The following R3HDM2 variants were observed in gnomAD, a reference collection of about 807,000 sequenced individuals.
The protein encoded by R3HDM2 is R3H domain-containing protein 2.
R3HDM2 carries 38 observed loss-of-function variants against 124.5 expected under a neutral mutation model. That is an observed-to-expected ratio of 0.31 (90% CI 0.24 to 0.40). The LOEUF (loss-of-function observed/expected upper bound fraction) is 0.40, where lower values mean the gene tolerates loss of function less well. R3HDM2 is among the 10% of genes least tolerant of loss of function. R3HDM2 has a pLI of 1.00. For missense variants in R3HDM2, 869 were observed against 1,236.9 expected (o/e 0.70, Z 4.46); for synonymous variants, 391 against 448.0 (o/e 0.87, Z 1.61).
intron 14 of R3HDM2, among the ~76,000 whole-genome samples, chr12:57,270,926 T>C (rs1469923009): frequency 6.6e-6 from 1 of 152,214 alleles, no homozygotes. Context: ...AATTACTGTA[T>C]ATAGAAAAAA....
At chr12:57,407,953 GGA>G (rs2068675891) in intron 1 of R3HDM2, among the ~76,000 whole-genome samples, 2 of 148,902 alleles carry the variant, frequency 1.3e-5, no homozygotes, top group Admixed American at 1.3e-4. Flanking sequence ...TTCTGATGGT[GGA>G]GTCTCACTCT....
intron 2 of R3HDM2, among the ~76,000 whole-genome samples, chr12:57,370,326 C>G (rs1034993389): frequency 3.2e-4 from 48 of 149,712 alleles, no homozygotes; most frequent in Admixed American, 1.0e-3. Flanking sequence ...GCACGCGGAA[C>G]TTCCTGTGAG....
intron 2 of R3HDM2, among the ~76,000 whole-genome samples, chr12:57,377,133 A>T (rs1257474318): frequency 7.6e-6 from 1 of 132,268 alleles, no homozygotes; most frequent in African/African-American, 2.8e-5. Context: ...AAAAAAAAAA[A>T]AAATTAAAAA....
At chr12:57,376,439 C>A (rs2064084961) in intron 2 of R3HDM2, among the ~76,000 whole-genome samples, 1 of 152,276 alleles carries the variant, frequency 6.6e-6, no homozygotes, top group African/African-American at 2.4e-5. Context: ...GTAGGATATC[C>A]CTGAACCATC....
chr12:57,268,647 C>T (rs894219806), intron 17 of R3HDM2, 190 bp from the exon 18 acceptor site: 1 of 719,786 alleles, frequency 1.4e-6, no homozygotes, highest in Admixed American at 2.9e-5. Flanking sequence ...TCAAATACCA[C>T]CCTTGGGCAT....
intron 1 of R3HDM2, among the ~76,000 whole-genome samples, chr12:57,422,601 C>T (rs1261961096): frequency 1.3e-5 from 2 of 152,136 alleles, no homozygotes; most frequent in Non-Finnish European, 2.9e-5. Flanking sequence ...CTTAATAAGT[C>T]CTTCAAGAGA....
intron 2 of R3HDM2, among the ~76,000 whole-genome samples, chr12:57,340,588 T>C (rs1463246666): frequency 6.6e-6 from 1 of 152,096 alleles, no homozygotes; most frequent in African/African-American, 2.4e-5. Context: ...TGAACTATCA[T>C]AGAAAAATAA....
chr12:57,291,794 T>C (rs1176000831), intron 11 of R3HDM2, among the ~76,000 whole-genome samples: 1 of 152,230 alleles, frequency 6.6e-6, no homozygotes, highest in Admixed American at 6.5e-5. Context: ...CTACATTTTC[T>C]GGAGATTTGT....
intron 2 of R3HDM2, among the ~76,000 whole-genome samples, chr12:57,316,458 C>T (rs1348507149): frequency 6.6e-6 from 1 of 151,972 alleles, no homozygotes; most frequent in African/African-American, 2.4e-5. Flanking sequence ...TTTTTTTAAG[C>T]CTCTGGAAGA....
chr12:57,278,354 G>C (rs912473805), intron 14 of R3HDM2, among the ~76,000 whole-genome samples: 1 of 152,094 alleles, frequency 6.6e-6, no homozygotes, highest in Admixed American at 6.6e-5. Flanking sequence ...AGTCCCAAAT[G>C]GTTCTTTTAT....
intron 2 of R3HDM2, among the ~76,000 whole-genome samples, chr12:57,388,447 GAGA>G (rs1413382157): frequency 6.6e-6 from 1 of 152,210 alleles, no homozygotes; most frequent in Non-Finnish European, 1.5e-5. Flanking sequence ...AAGTCAGCAA[GAGA>G]AGAACTGGCT....
chr12:57,360,558 G>A (rs1466113298), intron 2 of R3HDM2, among the ~76,000 whole-genome samples: 1 of 151,766 alleles, frequency 6.6e-6, no homozygotes, highest in African/African-American at 2.4e-5. Flanking sequence ...TAAGTTCGAG[G>A]CTATAGTGAG....
intron 1 of R3HDM2, among the ~76,000 whole-genome samples, chr12:57,398,978 T>G (rs1489509441): frequency 6.6e-6 from 1 of 152,156 alleles, no homozygotes; most frequent in Non-Finnish European, 1.5e-5. Context: ...TAGGCTAAAT[T>G]GACCCAAGTA....
At chr12:57,259,360 T>C (rs1250102949) in intron 19 of R3HDM2, among the ~76,000 whole-genome samples, 4 of 152,220 alleles carry the variant, frequency 2.6e-5, no homozygotes, top group South Asian at 2.1e-4. Flanking sequence ...ACGCTGGCTA[T>C]AACCAAATGC....
chr12:57,301,874 C>G (rs1422794104), intron 4 of R3HDM2, among the ~76,000 whole-genome samples: 1 of 152,256 alleles, frequency 6.6e-6, no homozygotes. Flanking sequence ...AAACCTATCA[C>G]ACACTAACAC....
chr12:57,414,831 C>CA (rs71448523), intron 1 of R3HDM2, among the ~76,000 whole-genome samples: 2,153 of 133,130 alleles, frequency 0.016, 18 homozygotes, highest in Non-Finnish European at 0.017. Flanking sequence ...AAAACTTTGT[C>CA]AAAAAAAAAA....
At chr12:57,396,018 C>A (rs1007628928) in intron 1 of R3HDM2, among the ~76,000 whole-genome samples, 200 bp from the exon 2 acceptor site, 1 of 152,110 alleles carries the variant, frequency 6.6e-6, no homozygotes, top group Non-Finnish European at 1.5e-5. Context: ...TTAAAAAAAC[C>A]CTGCATTTTG....
intron 2 of R3HDM2, among the ~76,000 whole-genome samples, chr12:57,314,201 C>T (rs2054556804): frequency 6.7e-6 from 1 of 149,740 alleles, no homozygotes; most frequent in Admixed American, 6.7e-5. Flanking sequence ...AAAAAAAAAT[C>T]AGGCACGGTA....
rs148359094 is a variant in R3HDM2 at position 57,293,076 on chromosome 12, T to C, written c.811-409A>G. Reference sequence around the variant, plus strand: ...TGGAACGGGAGAAGAAACAGGTGTTTAGCAGAGCTGAACAGTAGAGGAGGA... The same window carrying C: ...TGGAACGGGAGAAGAAACAGGTGTTCAGCAGAGCTGAACAGTAGAGGAGGA... On this transcript the variant is annotated intron_variant, in intron 10 of 23. Coordinates refer to ENST00000402412, the MANE Select transcript of R3HDM2 (RefSeq NM_001394031.1). 1.3e-3 allele frequency among the ~76,000 whole-genome samples: 195 copies of C among 152,256 alleles called. 2 individuals carry two copies. Among genetic ancestry groups the C allele is most frequent in the African/African-American group, 4.4e-3 (184 of 41,556 alleles).
Sources: allele counts gnomAD v4.1 joint callset (sites outside exome capture counted in the v4.1 genomes callset), GRCh38; gene constraint gnomAD v4.1.1; transcripts MANE v1.5; gene names NCBI Gene and HGNC (gene_info 2026-07-23, HGNC 2026-07-21).